CHRNB1: variants seen among roughly 807,000 people sequenced by gnomAD.
The protein encoded by CHRNB1 is acetylcholine receptor subunit beta.
A neutral mutation model predicts 53.8 loss-of-function variants in CHRNB1; 47 were observed. The observed-to-expected ratio is 0.87, with a 90% CI of 0.69 to 1.11. CHRNB1 has a LOEUF of 1.11. CHRNB1 is among the 50% of genes most tolerant of loss of function. The pLI, the probability that CHRNB1 is intolerant of heterozygous loss-of-function variation, is 0.00. For synonymous variants in CHRNB1, 259 were observed against 263.5 expected, an observed-to-expected ratio of 0.98 and a Z score of 0.16; for missense variants, 605 against 654.9, an observed-to-expected ratio of 0.92 and a Z score of 0.83.
At position 7,445,267 on chromosome 17, in the gene CHRNB1, C is replaced by T. The variant is rs372041531; in HGVS notation, c.59-3C>T. 5.4e-5 allele frequency: 87 copies of T among 1,612,770 alleles called. 2 individuals carry two copies. Among genetic ancestry groups the T allele is most frequent in the Non-Finnish European group, 6.3e-5 (74 of 1,179,768 alleles). ...GGGCTGCACTTATTCTCTCCTCCCCCAGGCGTCCGCGGCTCGGAGGCGGAG... is the reference window on the plus strand; with the variant it reads ...GGGCTGCACTTATTCTCTCCTCCCCTAGGCGTCCGCGGCTCGGAGGCGGAG... On this transcript the variant is annotated splice_region_variant and splice_polypyrimidine_tract_variant and intron_variant, in intron 1 of 10. Coordinates refer to ENST00000306071, the MANE Select transcript of CHRNB1 (RefSeq NM_000747.3). This position sits in a 1 kb window ranked among gnomAD's most constrained non-coding sequence, Gnocchi z 5.7.
At chr17:7,448,522 TG>T in intron 6 of CHRNB1, 56 bp from the exon 7 acceptor site, 10 of 1,565,540 alleles carry the variant, frequency 6.4e-6, no homozygotes, top group Non-Finnish European at 7.9e-6. Flanking sequence ...AAGCCATACC[TG>T]GCACTAACCA....
chr17:7,456,031 TG>T (rs1299659474), intron 10 of CHRNB1, 90 bp downstream of exon 10: 3 of 1,197,268 alleles, frequency 2.5e-6, no homozygotes, highest in African/African-American at 3.2e-5. Flanking sequence ...TCGTTTTTTT[TG>T]TGTGGTTTTT....
chr17:7,446,317 G>GTGTGTGTC (rs1908614716), intron 3 of CHRNB1: 2 of 379,266 alleles, frequency 5.3e-6, no homozygotes, highest in Non-Finnish European at 8.9e-6. Flanking sequence ...GTGTGTGTGT[G>GTGTGTGTC]TGTGTGTGTC....
Position 7,447,167 on chromosome 17 carries a change from A to G in CHRNB1, c.462+16A>G. 6.2e-7 allele frequency: 1 copy of G among 1,604,200 alleles called. No individual in the cohort carries two copies. Among genetic ancestry groups the G allele is most frequent in the Non-Finnish European group, 8.5e-7 (1 of 1,171,440 alleles). On this transcript the variant is annotated intron_variant, in intron 5 of 10. Coordinates refer to ENST00000306071, the MANE Select transcript of CHRNB1 (RefSeq NM_000747.3). ...CAGCATCCAGGTTTCCGGCCTCCAC[A>G]TTGGAAGCTGAAGGAGCTCTTACAA...
chr17:7,452,917 G>A (rs112559170), intron 7 of CHRNB1, among the ~76,000 whole-genome samples: 9 of 152,210 alleles, frequency 5.9e-5, no homozygotes, highest in African/African-American at 7.2e-5. Context: ...CCAGCTGCTC[G>A]GGAGGCTAAG....
In CHRNB1 at chr17:7,448,615, G is replaced by A. The variant is rs200684767; in HGVS notation, c.647G>A (p.Arg216Gln). Reference protein sequence around the residue: ...GQWEIIHKPSRLIQPPGDPRG... With the variant: ...GQWEIIHKPSQLIQPPGDPRG... ...TGGGAGATTATCCACAAGCCCTCTC[G>A]GCTAATCCAGCCTCCAGGCGATCCT... Residue 216 changes from arginine to glutamine, a missense_variant, in exon 7 of 11, where the codon CGG becomes CAG. By Grantham distance (43) the Arg-to-Gln change is conservative. Coordinates refer to ENST00000306071, the MANE Select transcript of CHRNB1 (RefSeq NM_000747.3). 7.9e-5 allele frequency: 128 copies of A among 1,614,132 alleles called. No homozygotes were observed. The highest frequency in any genetic ancestry group is 5.3e-4 in the East Asian group (24 of 44,878).
At chr17:7,452,172 C>T (rs1235011250) in intron 7 of CHRNB1, among the ~76,000 whole-genome samples, 1 of 151,766 alleles carries the variant, frequency 6.6e-6, no homozygotes, top group East Asian at 1.9e-4. Context: ...TATTCTGCCT[C>T]AGCCTCCCGA....
Position 7,445,218 on chromosome 17 carries a change from GC to G in CHRNB1, c.58+35del, listed in dbSNP as rs1376487406. 6.2e-7 allele frequency: 1 copy of G among 1,611,418 alleles called. No individual in the cohort carries two copies. The highest frequency in any genetic ancestry group is 1.7e-5 in the Admixed American group (1 of 59,834). ...TAGGCCCCGAAGGGGCAGTGACGGG[GC>G]CAGCGGTCGTGGCCAGGCACCAGGG... is the stretch of plus-strand genomic sequence containing the variant. On this transcript the variant is annotated intron_variant, in intron 1 of 10. Coordinates refer to ENST00000306071, the MANE Select transcript of CHRNB1 (RefSeq NM_000747.3). The surrounding 1 kb of genome is among the most constrained non-coding windows in gnomAD (Gnocchi z 5.7).
At chr17:7,449,430 CAG>C (rs1229025127) in intron 7 of CHRNB1, among the ~76,000 whole-genome samples, 4 of 104,462 alleles carry the variant, frequency 3.8e-5, no homozygotes, top group African/African-American at 7.6e-5. Flanking sequence ...TTTTTTGAGA[CAG>C]AGTCTTGCTC....
At position 7,448,793 on chromosome 17, in the gene CHRNB1, T is replaced by G; in HGVS notation, c.820+5T>G. The G allele has an allele frequency of 6.2e-7, 1 of 1,612,458 alleles. No homozygotes were observed. Among genetic ancestry groups the G allele is most frequent in the Non-Finnish European group, 8.5e-7 (1 of 1,178,470 alleles). On this transcript the variant is annotated splice_donor_5th_base_variant and intron_variant, in intron 7 of 10. Coordinates refer to ENST00000306071, the MANE Select transcript of CHRNB1 (RefSeq NM_000747.3). ...TCTACCTGCCACCAGATGCAGGTAATGGGGGAAGGGGCTCCTTACTCTTTT... is the reference window on the plus strand; with the variant it reads ...TCTACCTGCCACCAGATGCAGGTAAGGGGGGAAGGGGCTCCTTACTCTTTT...
intron 10 of CHRNB1, among the ~76,000 whole-genome samples, chr17:7,456,348 C>T (rs1597755774): frequency 6.6e-6 from 1 of 152,124 alleles, no homozygotes; most frequent in African/African-American, 2.4e-5. Context: ...GCCACCGCGC[C>T]CGGCCTCGCT....
Position 7,448,804 on chromosome 17 carries a change from G to C in CHRNB1, c.820+16G>C. The C allele has an allele frequency of 6.2e-7, 1 of 1,611,098 alleles. No individual in the cohort carries two copies. Among genetic ancestry groups the C allele is most frequent in the Non-Finnish European group, 8.5e-7 (1 of 1,177,282 alleles). On this transcript the variant is annotated intron_variant, in intron 7 of 10. Coordinates refer to ENST00000306071, the MANE Select transcript of CHRNB1 (RefSeq NM_000747.3). ...CCAGATGCAGGTAATGGGGGAAGGGGCTCCTTACTCTTTTGTCATTGGCTC... is the reference window on the plus strand; with the variant it reads ...CCAGATGCAGGTAATGGGGGAAGGGCCTCCTTACTCTTTTGTCATTGGCTC...
intron 4 of CHRNB1, 37 bp from the exon 5 acceptor site, chr17:7,447,006 G>T (rs757401724): frequency 6.2e-7 from 1 of 1,609,740 alleles, no homozygotes; most frequent in Non-Finnish European, 8.5e-7. Context: ...GCCTCCGGGC[G>T]CGGGGCCTGA....
intron 9 of CHRNB1, 103 bp downstream of exon 9, chr17:7,455,559 T>C: frequency 7.0e-7 from 1 of 1,431,446 alleles, no homozygotes; most frequent in South Asian, 1.2e-5. Flanking sequence ...ACGCTGTGGT[T>C]GAGCATCATG....
chr17:7,445,839 A>T lies in CHRNB1; in HGVS notation c.199-230A>T. 3 of 623,102 alleles carry T rather than the reference A, an allele frequency of 4.8e-6. No individual in the cohort carries two copies. The South Asian group carries it at 5.7e-5, about 12-fold the overall frequency. The allele number at this position is 623,102 out of a possible 1,614,324, so 38.6% of individuals were successfully genotyped here. A position where few individuals can be genotyped will look rare whatever the true frequency, so the allele number is the denominator to read the frequency against. On this transcript the variant is annotated intron_variant, in intron 2 of 10. Transcript: ENST00000306071. This position sits in a 1 kb window ranked among gnomAD's most constrained non-coding sequence, Gnocchi z 5.7. ...GACAGAGCTAGGCGGAGGGCTAGGC[A>T]GGGGCGGGTCTGGTAGGTTGATAGG...
At chr17:7,454,833 T>C (rs1165378174) in intron 8 of CHRNB1, among the ~76,000 whole-genome samples, 1 of 146,648 alleles carries the variant, frequency 6.8e-6, no homozygotes, top group Non-Finnish European at 1.5e-5. Flanking sequence ...GATGGAGTTT[T>C]GTTCTTGTGG....
chr17:7,455,252 G>GC (rs755454760), intron 8 of CHRNB1, 32 bp from the exon 9 acceptor site: 2 of 1,613,548 alleles, frequency 1.2e-6, no homozygotes, highest in East Asian at 2.2e-5. Context: ...AAGCATGAAA[G>GC]CCCCCACCAA....
In CHRNB1 at chr17:7,455,234, T is replaced by C. The variant is rs377094762; in HGVS notation, c.1045-50T>C. 9 of 1,610,420 alleles carry C rather than the reference T, an allele frequency of 5.6e-6. No individual in the cohort carries two copies. The African/African-American group carries it at 6.7e-5, about 12-fold the overall frequency. On this transcript the variant is annotated intron_variant, in intron 8 of 10. Transcript: ENST00000306071. ...GTGGGGTGGTTGGCTGTTTCCCTTC[T>C]GGTCTGAAAGCATGAAAGCCCCCAC...
chr17:7,447,582 T>C lies in CHRNB1; in HGVS notation c.542T>C (p.Leu181Pro). 2 of 1,614,212 alleles carry C rather than the reference T, an allele frequency of 1.2e-6. No individual in the cohort carries two copies. The highest frequency in any genetic ancestry group is 1.6e-4 in the Middle Eastern group (1 of 6,062). The change falls in exon 6 of 11, where the codon CTG (leucine) becomes CCG (proline). Residue 181 changes from leucine (L) to proline (P), a missense_variant. Physicochemically the swap from Leu to Pro is moderately conservative, Grantham distance 98. Transcript: ENST00000306071. ...AGCTACGACAGCTCGGAGGTCAGCCTGCAGACAGGCCTGGGTCCTGACGGG... is the reference window on the plus strand; with the variant it reads ...AGCTACGACAGCTCGGAGGTCAGCCCGCAGACAGGCCTGGGTCCTGACGGG... Reference protein sequence around the residue: ...SYSYDSSEVSLQTGLGPDGQG... With the variant: ...SYSYDSSEVSPQTGLGPDGQG...
Sources: allele counts gnomAD v4.1 joint callset (sites outside exome capture counted in the v4.1 genomes callset), GRCh38; gene constraint gnomAD v4.1.1; non-coding constraint Gnocchi (gnomAD v3.1); transcripts MANE v1.5; gene names NCBI Gene and HGNC (gene_info 2026-07-23, HGNC 2026-07-21).